The following NPAS3 variants were observed in gnomAD, a reference collection of about 807,000 sequenced individuals.
NPAS3 encodes neuronal PAS domain-containing protein 3.
NPAS3 carries 14 observed loss-of-function variants against 73.1 expected under a neutral mutation model. That is an observed-to-expected ratio of 0.19 (90% confidence interval 0.13 to 0.30). The LOEUF is 0.30. Ranked by LOEUF, NPAS3 falls within the 10% of genes least tolerant of loss-of-function variation. NPAS3 has a pLI of 1.00. For missense variants in NPAS3, 1,096 were observed against 1,250.0 expected (o/e 0.88, Z 1.86); for synonymous variants, 620 against 541.5 (o/e 1.14, Z -2.01).
At chr14:33,001,082 A>T (rs1459043609) in intron 1 of NPAS3, among the ~76,000 whole-genome samples, 1 of 152,220 alleles carries the variant, frequency 6.6e-6, no homozygotes, top group Admixed American at 6.5e-5. Context: ...TTACTTTTTT[A>T]CATCGGATCC....
intron 2 of NPAS3, among the ~76,000 whole-genome samples, chr14:33,163,108 C>T (rs565184952): frequency 2.6e-5 from 4 of 152,024 alleles, no homozygotes; most frequent in Non-Finnish European, 1.5e-5. Context: ...ATCTCTGTAC[C>T]CCTCATTCAT....
chr14:33,521,580 C>T (rs949229172), intron 4 of NPAS3, among the ~76,000 whole-genome samples: 6 of 148,796 alleles, frequency 4.0e-5, no homozygotes, highest in Admixed American at 6.7e-5. Context: ...CTCTGTTTAT[C>T]TGGATTTTAT....
At chr14:33,756,695 G>A (rs1017647460) in intron 7 of NPAS3, among the ~76,000 whole-genome samples, 1 of 152,230 alleles carries the variant, frequency 6.6e-6, no homozygotes, top group Non-Finnish European at 1.5e-5. Flanking sequence ...AGAACTTTGT[G>A]AGCTTTCATG....
chr14:33,668,321 A>C (rs1434026900), intron 5 of NPAS3, among the ~76,000 whole-genome samples: 1 of 152,146 alleles, frequency 6.6e-6, no homozygotes, highest in Non-Finnish European at 1.5e-5. Flanking sequence ...TAATTGTATG[A>C]TTTGTGCATT....
intron 1 of NPAS3, among the ~76,000 whole-genome samples, chr14:32,999,265 C>A (rs557989028): frequency 3.3e-5 from 5 of 152,046 alleles, no homozygotes; most frequent in Admixed American, 2.0e-4. Flanking sequence ...TAATCCCAGC[C>A]CTTTGGGAGG....
intron 3 of NPAS3, among the ~76,000 whole-genome samples, chr14:33,269,031 C>G (rs995150489): frequency 6.6e-6 from 1 of 152,116 alleles, no homozygotes; most frequent in Non-Finnish European, 1.5e-5. Flanking sequence ...AGTGCATCCA[C>G]CCTTCCATTT....
chr14:33,400,432 A>C (rs568370091), intron 4 of NPAS3, among the ~76,000 whole-genome samples: 22 of 152,140 alleles, frequency 1.4e-4, no homozygotes, highest in African/African-American at 1.9e-4. Context: ...AAGAGTAAAA[A>C]AATTTTCTGG....
At chr14:33,445,330 C>G (rs1001982080) in intron 4 of NPAS3, among the ~76,000 whole-genome samples, 8 of 152,144 alleles carry the variant, frequency 5.3e-5, no homozygotes, top group African/African-American at 1.9e-4. Flanking sequence ...GTATTCGTAG[C>G]AAAACCTCTG....
At chr14:33,769,756 CTTTTTTTTTTT>C (rs916953785) in intron 7 of NPAS3, among the ~76,000 whole-genome samples, 2 of 81,854 alleles carry the variant, frequency 2.4e-5, no homozygotes, top group African/African-American at 9.3e-5. Context: ...TTTTTTTTTT[CTTTTTTTTTTT>C]TTTTTTTTTT....
chr14:33,787,721 G>A (rs749165655), intron 9 of NPAS3, among the ~76,000 whole-genome samples: 3 of 152,078 alleles, frequency 2.0e-5, no homozygotes, highest in African/African-American at 7.2e-5. Context: ...TTGATCCTAT[G>A]AGCAGTTCTA....
chr14:32,935,054 G>A (rs748451353), upstream of NPAS3: 1,176 of 1,150,762 alleles, frequency 1.0e-3, no homozygotes, highest in Non-Finnish European at 1.2e-3. Flanking sequence ...GGGGTGCTGG[G>A]GTGGGACTCA....
At chr14:33,507,893 CT>C (rs2052846922) in intron 4 of NPAS3, among the ~76,000 whole-genome samples, 1 of 151,976 alleles carries the variant, frequency 6.6e-6, no homozygotes, top group Non-Finnish European at 1.5e-5. Flanking sequence ...TAGTTTCCAT[CT>C]TTAATGTGGA....
In NPAS3 at chr14:33,317,396, C is replaced by G. The variant is rs190269796; in HGVS notation, c.386-49790C>G. 2.5e-3 allele frequency among the ~76,000 whole-genome samples: 377 copies of G among 152,150 alleles called. 3 individuals are homozygous for G. Among genetic ancestry groups the G allele is most frequent in the African/African-American group, 7.9e-3 (329 of 41,532 alleles). On this transcript the variant is annotated intron_variant, in intron 3 of 11. Coordinates refer to ENST00000356141, the Ensembl canonical transcript of NPAS3. ...ATGAGTAAACCAAGGCTTACCAAGG[C>G]TAAGTAGCTTGTTTGAAGCCAACAA...
At chr14:33,180,257 T>C in intron 2 of NPAS3, among the ~76,000 whole-genome samples, 1 of 152,058 alleles carries the variant, frequency 6.6e-6, no homozygotes, top group South Asian at 2.1e-4. Flanking sequence ...TCTTATCGTA[T>C]CTCCATTAAG....
intron 4 of NPAS3, among the ~76,000 whole-genome samples, chr14:33,439,754 A>G (rs2049153695): frequency 6.6e-6 from 1 of 152,248 alleles, no homozygotes; most frequent in South Asian, 2.1e-4. Context: ...GGTGCCTAAA[A>G]GAGGCCAGAA....
intron 1 of NPAS3, among the ~76,000 whole-genome samples, chr14:33,020,424 G>A (rs1303184518): frequency 6.6e-6 from 1 of 152,248 alleles, no homozygotes; most frequent in Admixed American, 6.5e-5. Context: ...AAATGTTAAC[G>A]GTAAGTACCC....
At chr14:33,421,240 GA>G (rs143070644) in intron 4 of NPAS3, among the ~76,000 whole-genome samples, 26,011 of 150,850 alleles carry the variant, frequency 0.17, 2,471 homozygotes, top group Admixed American at 0.26. Context: ...TCTTTTCTTA[GA>G]AAAAAAAAGT....
chr14:33,563,661 C>T (rs2139773824), intron 5 of NPAS3, among the ~76,000 whole-genome samples: 1 of 152,056 alleles, frequency 6.6e-6, no homozygotes, highest in South Asian at 2.1e-4. Flanking sequence ...AAAAATGATG[C>T]CCAGTTACTC....
intron 2 of NPAS3, among the ~76,000 whole-genome samples, chr14:33,114,629 G>A (rs934091127): frequency 2.6e-5 from 4 of 152,110 alleles, no homozygotes; most frequent in African/African-American, 9.7e-5. Flanking sequence ...CTCTGTCTGA[G>A]CCTTCCATTT....
Sources: allele counts gnomAD v4.1 joint callset (sites outside exome capture counted in the v4.1 genomes callset), GRCh38; gene constraint gnomAD v4.1.1; transcripts MANE v1.5; gene names NCBI Gene and HGNC (gene_info 2026-07-23, HGNC 2026-07-21).